The following NF1 variants were observed in gnomAD, a reference collection of about 807,000 sequenced individuals.
NF1 encodes the protein neurofibromin 1, also known as neurofibromin.
Under a neutral mutation model 325.7 loss-of-function variants are expected in NF1, and 122 were observed. That is an observed-to-expected ratio of 0.37 (90% CI 0.32 to 0.44). The LOEUF (loss-of-function observed/expected upper bound fraction) is 0.44. NF1 is among the 20% of genes least tolerant of loss of function. NF1 has a pLI of 1.00. For missense variants in NF1, 2,140 were observed against 3,415.4 expected, an observed-to-expected ratio of 0.63 and a Z score of 9.31; for synonymous variants, 1,091 against 1,186.0, an observed-to-expected ratio of 0.92 and a Z score of 1.65.
chr17:31,102,221 T>G (rs1339802016), intron 1 of NF1, among the ~76,000 whole-genome samples: 1 of 152,222 alleles, frequency 6.6e-6, no homozygotes, highest in Admixed American at 6.5e-5. Context: ...GATCAACTAC[T>G]TTTGTAATTT....
At chr17:31,279,020 C>T (rs564765397) in intron 36 of NF1, among the ~76,000 whole-genome samples, 1 of 152,294 alleles carries the variant, frequency 6.6e-6, no homozygotes, top group African/African-American at 2.4e-5. Context: ...AAGAGGATCA[C>T]TTGAAGCCAG....
chr17:31,238,471 A>G (rs966646349), intron 29 of NF1, among the ~76,000 whole-genome samples: 1 of 152,174 alleles, frequency 6.6e-6, no homozygotes, highest in Non-Finnish European at 1.5e-5. Flanking sequence ...CTGGTGGCTC[A>G]CATCTGTAAT....
At chr17:31,274,518 T>G (rs1354691833) in intron 36 of NF1, among the ~76,000 whole-genome samples, 3 of 152,178 alleles carry the variant, frequency 2.0e-5, no homozygotes, top group Admixed American at 1.3e-4. Context: ...GAACCATGCT[T>G]GGTAAATCTT....
rs878853870 is a variant in NF1, at chr17:31,225,257, T to C, written c.2001+7T>C. 9.3e-6 allele frequency: 15 copies of C among 1,613,346 alleles called. No homozygotes were observed. The highest frequency in any genetic ancestry group is 1.2e-5 in the Non-Finnish European group (14 of 1,179,440). Reference sequence around the variant, plus strand: ...AAAAGGGAACTCCTCTATGGTCAGCTTCTTCTGTACTTTTTCTGTATCATT... The same window carrying C: ...AAAAGGGAACTCCTCTATGGTCAGCCTCTTCTGTACTTTTTCTGTATCATT... On this transcript the variant is annotated splice_region_variant and intron_variant, in intron 17 of 57. Transcript: ENST00000358273.
chr17:31,303,314 T>C (rs1358567757), intron 36 of NF1, among the ~76,000 whole-genome samples: 1 of 152,156 alleles, frequency 6.6e-6, no homozygotes, highest in Non-Finnish European at 1.5e-5. Context: ...ACTCTTGACT[T>C]TGACAAAGAT....
chr17:31,206,574 A>T (rs1023205117), intron 12 of NF1, among the ~76,000 whole-genome samples: 2 of 152,046 alleles, frequency 1.3e-5, no homozygotes, highest in African/African-American at 4.8e-5. Flanking sequence ...GTTGAACTTA[A>T]CTTTTCTTAG....
intron 36 of NF1, chr17:31,321,951 A>G (rs1352976761): frequency 1.3e-5 from 2 of 152,178 alleles, no homozygotes; most frequent in African/African-American, 4.8e-5. Context: ...CTACAGACTG[A>G]TTTGAAAATG....
chr17:31,375,919 A>G lies in NF1; in HGVS notation c.*1764A>G. The stretch of plus-strand genomic sequence containing the variant: ...AAATAAGAGGAAAGAAAACCTTAGT[A>G]TTATTAATGAGTTTACCATAGAATT... On this transcript the variant is annotated 3_prime_UTR_variant, in exon 58 of 58. Coordinates refer to ENST00000358273, the MANE Select transcript of NF1 (RefSeq NM_001042492.3). 8.6e-6 allele frequency: 2 copies of G among 232,998 alleles called. No homozygotes were observed. Among genetic ancestry groups the G allele is most frequent in the Non-Finnish European group, 1.7e-5 (2 of 117,638 alleles). The allele number at this position is 232,998 out of a possible 1,614,324, so 14.4% of individuals were successfully genotyped here. A position where few individuals can be genotyped will look rare whatever the true frequency, so the allele number is the denominator to read the frequency against.
At position 31,095,385 on chromosome 17, in the gene NF1, C is replaced by G. The variant is rs780674112; in HGVS notation, c.60+16C>G. The G allele has an allele frequency of 6.5e-7, 1 of 1,537,116 alleles. No homozygotes were observed. The stretch of plus-strand genomic sequence containing the variant: ...CGACGAGCAGGTAACCGGCCCGTGG[C>G]GGGCGGGAGGTGGGAGCGGAGTGGG... On this transcript the variant is annotated intron_variant, in intron 1 of 57. Coordinates refer to ENST00000358273, the MANE Select transcript of NF1 (RefSeq NM_001042492.3).
intron 20 of NF1, among the ~76,000 whole-genome samples, chr17:31,228,042 G>A (rs2067046605): frequency 6.6e-6 from 1 of 152,148 alleles, no homozygotes; most frequent in South Asian, 2.1e-4. Context: ...TTCAGAAAAG[G>A]AGCAACAGAG....
intron 6 of NF1, 79 bp from the exon 7 acceptor site, chr17:31,181,631 A>T (rs2066135584): frequency 3.9e-6 from 5 of 1,276,302 alleles, no homozygotes; most frequent in Non-Finnish European, 5.7e-6. Flanking sequence ...ATTATTATGA[A>T]GGAAGTTAGA....
At chr17:31,132,247 A>G (rs1270886328) in intron 1 of NF1, among the ~76,000 whole-genome samples, 1 of 151,066 alleles carries the variant, frequency 6.6e-6, no homozygotes, top group Non-Finnish European at 1.5e-5. Flanking sequence ...GTATTTTTAA[A>G]GACTCATTTC....
chr17:31,270,864 A>G (rs1160572475), intron 36 of NF1, among the ~76,000 whole-genome samples: 1 of 152,242 alleles, frequency 6.6e-6, no homozygotes, highest in Non-Finnish European at 1.5e-5. Flanking sequence ...AAACCCAAAC[A>G]TGGCTATCAG....
chr17:31,171,180 C>T (rs2065921973), intron 5 of NF1, among the ~76,000 whole-genome samples: 1 of 152,062 alleles, frequency 6.6e-6, no homozygotes, highest in South Asian at 2.1e-4. Context: ...AGGTCATTAC[C>T]ATTGTGAAAC....
At chr17:31,340,747 A>T in intron 47 of NF1, 102 bp downstream of exon 47, 1 of 1,230,974 alleles carries the variant, frequency 8.1e-7, no homozygotes, top group East Asian at 2.4e-5. Flanking sequence ...TCCATAACTT[A>T]AGTAGGAATT....
At chr17:31,304,151 TC>T in intron 36 of NF1, 1 of 1,108,122 alleles carries the variant, frequency 9.0e-7, no homozygotes. Flanking sequence ...TTCAGATAGT[TC>T]CTGAATAAAA....
intron 8 of NF1, among the ~76,000 whole-genome samples, chr17:31,197,336 G>A (rs1202226260): frequency 2.8e-5 from 4 of 142,564 alleles, no homozygotes; most frequent in African/African-American, 1.0e-4. Flanking sequence ...GTGAGCCACC[G>A]CGCCTGGCTT....
At chr17:31,319,176 T>C (rs1207396680) in intron 36 of NF1, among the ~76,000 whole-genome samples, 3 of 152,242 alleles carry the variant, frequency 2.0e-5, no homozygotes, top group African/African-American at 4.8e-5. Flanking sequence ...CAACTAAATT[T>C]CTTTTCTATT....
At chr17:31,225,348 G>A in intron 17 of NF1, 98 bp downstream of exon 17, 1 of 1,324,604 alleles carries the variant, frequency 7.5e-7, no homozygotes, top group East Asian at 2.3e-5. Context: ...TAGTGTAATA[G>A]TGAAAAACTG....
Sources: allele counts gnomAD v4.1 joint callset (sites outside exome capture counted in the v4.1 genomes callset), GRCh38; gene constraint gnomAD v4.1.1; transcripts MANE v1.5; gene names NCBI Gene and HGNC (gene_info 2026-07-23, HGNC 2026-07-21).